The following TSHZ2 variants were observed in gnomAD, a reference collection of about 807,000 sequenced individuals.
TSHZ2 encodes teashirt zinc finger homeobox 2.
TSHZ2 carries 21 observed loss-of-function variants against 74.4 expected under a neutral mutation model. The ratio of observed to expected loss-of-function variants is 0.28; its 90% CI spans 0.20 to 0.41. The LOEUF (loss-of-function observed/expected upper bound fraction) is 0.41. Among genes scored for constraint, TSHZ2 ranks in the 10% least tolerant of loss-of-function variants. The pLI is 1.00. For missense variants in TSHZ2, 1,244 were observed against 1,293.5 expected (o/e 0.96, Z 0.59); for synonymous variants, 540 against 515.3 (o/e 1.05, Z -0.65).
At chr20:53,106,886 C>T (rs574207644) in intron 1 of TSHZ2, among the ~76,000 whole-genome samples, 3 of 151,598 alleles carry the variant, frequency 2.0e-5, no homozygotes, top group Admixed American at 2.0e-4. Flanking sequence ...TTAGTAGAGA[C>T]GGAGTTTCAC....
intron 1 of TSHZ2, among the ~76,000 whole-genome samples, chr20:53,228,481 T>G (rs1486435397): frequency 6.6e-6 from 1 of 152,248 alleles, no homozygotes; most frequent in Non-Finnish European, 1.5e-5. Context: ...AAAGCAGGGT[T>G]TCTCAACCTT....
intron 1 of TSHZ2, among the ~76,000 whole-genome samples, chr20:53,226,432 G>T (rs1348236532): frequency 6.6e-6 from 1 of 150,716 alleles, no homozygotes; most frequent in Non-Finnish European, 1.5e-5. Flanking sequence ...GGGTCGGTGT[G>T]TGTATGTGTG....
At chr20:53,004,466 C>A (rs755246697) in intron 1 of TSHZ2, among the ~76,000 whole-genome samples, 5 of 152,162 alleles carry the variant, frequency 3.3e-5, no homozygotes, top group African/African-American at 4.8e-5. Flanking sequence ...TTGCCTTGAC[C>A]CCATGCAGGC....
chr20:53,172,128 T>C (rs1001613609), intron 1 of TSHZ2, among the ~76,000 whole-genome samples: 1 of 152,250 alleles, frequency 6.6e-6, no homozygotes, highest in African/African-American at 2.4e-5. Flanking sequence ...ATTTTAGATA[T>C]GAATTATAAA....
chr20:52,987,565 C>CA, intron 1 of TSHZ2, among the ~76,000 whole-genome samples: 1 of 151,386 alleles, frequency 6.6e-6, no homozygotes, highest in Non-Finnish European at 1.5e-5. Context: ...CCCAAAATGC[C>CA]AAAGCACTTA....
At chr20:53,132,633 A>C (rs1987134758) in intron 1 of TSHZ2, among the ~76,000 whole-genome samples, 1 of 152,040 alleles carries the variant, frequency 6.6e-6, no homozygotes, top group Non-Finnish European at 1.5e-5. Context: ...GAAAACCACA[A>C]AGGTCCCCCT....
chr20:53,181,981 C>T (rs1988480455), intron 1 of TSHZ2, among the ~76,000 whole-genome samples: 1 of 152,050 alleles, frequency 6.6e-6, no homozygotes, highest in Non-Finnish European at 1.5e-5. Flanking sequence ...AACATGTGGG[C>T]CTCAATTCTC....
intron 1 of TSHZ2, among the ~76,000 whole-genome samples, chr20:53,092,131 A>G (rs1344024943): frequency 6.6e-6 from 1 of 152,038 alleles, no homozygotes; most frequent in Non-Finnish European, 1.5e-5. Context: ...TGTGACAGCA[A>G]GCATCACACT....
chr20:53,426,303 G>A (rs1213658711), intron 2 of TSHZ2, among the ~76,000 whole-genome samples: 1 of 152,110 alleles, frequency 6.6e-6, no homozygotes, highest in Non-Finnish European at 1.5e-5. Context: ...AATTGAACAT[G>A]AAAAATAGGC....
chr20:53,328,177 C>A (rs1979576154), intron 2 of TSHZ2, among the ~76,000 whole-genome samples: 2 of 152,114 alleles, frequency 1.3e-5, no homozygotes, highest in African/African-American at 4.8e-5. Flanking sequence ...AAATGTGTGC[C>A]GAGATTGCTA....
At chr20:53,294,136 T>C (rs1991333302) in intron 2 of TSHZ2, among the ~76,000 whole-genome samples, 1 of 117,782 alleles carries the variant, frequency 8.5e-6, no homozygotes, top group African/African-American at 3.2e-5. Context: ...CATGAGCTCT[T>C]GTGAGCTAGG....
intron 1 of TSHZ2, among the ~76,000 whole-genome samples, chr20:52,986,723 C>T (rs758234472): frequency 7.9e-5 from 12 of 151,694 alleles, no homozygotes; most frequent in African/African-American, 2.4e-4. Flanking sequence ...AGTGAAACTC[C>T]GTCTCAAAAA....
At chr20:53,165,773 G>A (rs993140577) in intron 1 of TSHZ2, among the ~76,000 whole-genome samples, 4 of 152,154 alleles carry the variant, frequency 2.6e-5, no homozygotes, top group Non-Finnish European at 2.9e-5. Context: ...AAGTGGAGTC[G>A]CCTGATGGTG....
At chr20:53,469,058 T>TATATATATATAC (rs1985661379) in intron 2 of TSHZ2, among the ~76,000 whole-genome samples, 1 of 116,858 alleles carries the variant, frequency 8.6e-6, no homozygotes, top group African/African-American at 3.3e-5. Context: ...TATATATATA[T>TATATATATATAC]ATATATATAT....
chr20:53,089,324 T>C (rs1437604341), intron 1 of TSHZ2, among the ~76,000 whole-genome samples: 3 of 118,378 alleles, frequency 2.5e-5, no homozygotes, highest in East Asian at 2.3e-4. Context: ...GATTTTCTTT[T>C]TTTTTTTTTT....
chr20:53,449,450 G>A (rs1686799413), intron 2 of TSHZ2, among the ~76,000 whole-genome samples: 1 of 152,222 alleles, frequency 6.6e-6, no homozygotes, highest in Admixed American at 6.5e-5. Context: ...AGGCACCGTT[G>A]AAGGCTGTCA....
intron 1 of TSHZ2, among the ~76,000 whole-genome samples, chr20:53,122,299 A>G (rs1037816766): frequency 6.9e-6 from 1 of 144,966 alleles, no homozygotes; most frequent in Non-Finnish European, 1.5e-5. Flanking sequence ...AAAAAAAAAA[A>G]AAAAGAAAGA....
At chr20:53,327,458 C>T (rs1979542777) in intron 2 of TSHZ2, among the ~76,000 whole-genome samples, 1 of 152,142 alleles carries the variant, frequency 6.6e-6, no homozygotes, top group Non-Finnish European at 1.5e-5. Context: ...CATTGCACTC[C>T]AGCTTGGGCG....
intron 2 of TSHZ2, among the ~76,000 whole-genome samples, chr20:53,309,346 C>T (rs1462735862): frequency 1.3e-5 from 2 of 152,112 alleles, no homozygotes; most frequent in Non-Finnish European, 1.5e-5. Context: ...CCTCCCACCC[C>T]ACTTCTATAC....
Sources: allele counts gnomAD v4.1 joint callset (sites outside exome capture counted in the v4.1 genomes callset), GRCh38; gene constraint gnomAD v4.1.1; transcripts MANE v1.5; gene names NCBI Gene and HGNC (gene_info 2026-07-23, HGNC 2026-07-21).